RBFOX3: variants seen among roughly 807,000 people sequenced by gnomAD.
The protein encoded by RBFOX3 is RNA binding fox-1 homolog 3.
RBFOX3 carries 17 observed loss-of-function variants against 48.7 expected under a neutral mutation model. The ratio of observed to expected loss-of-function variants is 0.35; its 90% CI spans 0.24 to 0.52. The LOEUF (loss-of-function observed/expected upper bound fraction) is 0.52, where lower values mean the gene tolerates loss of function less well. Ranked by LOEUF, RBFOX3 falls within the 20% of genes least tolerant of loss-of-function variation. The pLI is 0.94. For synonymous variants in RBFOX3, 212 were observed against 209.5 expected, an observed-to-expected ratio of 1.01 and a Z score of -0.10; for missense variants, 382 against 497.5, an observed-to-expected ratio of 0.77 and a Z score of 2.21.
Position 79,220,105 on chromosome 17 carries a change from G to A in RBFOX3, c.-34+15661C>T, listed in dbSNP as rs1297147006. The stretch of plus-strand genomic sequence containing the variant: ...CGGGGTGGGGGGGTGGGGGGAGCAC[G>A]CTGAGCTTCCCAACATTTCAGCCCC... On this transcript the variant is annotated intron_variant, in intron 4 of 14. Transcript: ENST00000693108. This position sits in a 1 kb window ranked among gnomAD's most constrained non-coding sequence, Gnocchi z 5.9. Among the ~76,000 whole-genome samples the A allele has an allele frequency of 1.3e-5, 2 of 152,130 alleles. No individual in the cohort carries two copies. Among genetic ancestry groups the A allele is most frequent in the African/African-American group, 2.4e-5 (1 of 41,440 alleles).
intron 2 of RBFOX3, among the ~76,000 whole-genome samples, chr17:79,419,805 C>T (rs2065944964): frequency 1.3e-5 from 2 of 152,192 alleles, no homozygotes; most frequent in South Asian, 4.1e-4. Flanking sequence ...GGCATCCTCT[C>T]CAAGAGCAGA....
At chr17:79,217,827 A>T (rs1022075488) in intron 4 of RBFOX3, among the ~76,000 whole-genome samples, 1 of 152,112 alleles carries the variant, frequency 6.6e-6, no homozygotes, top group Non-Finnish European at 1.5e-5. Flanking sequence ...AACACGGCAG[A>T]TGTTCAGATT....
At chr17:79,312,065 C>T (rs2076928106) in intron 2 of RBFOX3, among the ~76,000 whole-genome samples, 1 of 152,122 alleles carries the variant, frequency 6.6e-6, no homozygotes, top group South Asian at 2.1e-4. Context: ...TCAATAACTG[C>T]AAAGCAAAAT....
chr17:79,476,756 G>C lies in RBFOX3; in HGVS notation c.-175+5698C>G, dbSNP rs2077826239. 2.0e-5 allele frequency among the ~76,000 whole-genome samples: 3 copies of C among 152,180 alleles called. No individual in the cohort carries two copies. The South Asian group carries it at 6.2e-4, about 32-fold the overall frequency. ...CAGAGGCAGGGTGGCAGAATTAGGG[G>C]GTCTGGAAAAGAAAGTGCAGAAAAG... is the stretch of plus-strand genomic sequence containing the variant. On this transcript the variant is annotated intron_variant, in intron 2 of 14. Transcript: ENST00000693108.
chr17:79,565,445 T>C (rs944215240), intron 1 of RBFOX3, among the ~76,000 whole-genome samples: 5,082 of 151,762 alleles, frequency 0.033, 148 homozygotes, highest in East Asian at 0.16. Flanking sequence ...GTTCAAGCGA[T>C]TCTCCTGCCT....
At chr17:79,656,536 C>T in the RBFOX3 span, among the ~76,000 whole-genome samples, 5 of 151,592 alleles carry the variant, frequency 3.3e-5, no homozygotes, top group Admixed American at 1.3e-4. Flanking sequence ...ATCGGTTGAA[C>T]GTGGGAGGCG....
chr17:79,514,074 AC>A lies in RBFOX3; in HGVS notation c.-319-31477del, dbSNP rs1326111508. 3.9e-5 allele frequency among the ~76,000 whole-genome samples: 6 copies of A among 152,002 alleles called. No homozygotes were observed. The East Asian group carries it at 1.2e-3, about 29-fold the overall frequency. On this transcript the variant is annotated intron_variant, in intron 1 of 14. Coordinates refer to ENST00000693108, the MANE Select transcript of RBFOX3 (RefSeq NM_001350451.2). Reference sequence around the variant, plus strand: ...CAATCGGTGTACTTTCCTGGTATTTACCCCTCTGGAGTTGCTGGGTGGGGAC... The same window carrying A: ...CAATCGGTGTACTTTCCTGGTATTTACCCTCTGGAGTTGCTGGGTGGGGAC...
intron 4 of RBFOX3, among the ~76,000 whole-genome samples, chr17:79,163,693 G>T (rs7223575): frequency 0.13 from 19,471 of 146,156 alleles, 1,857 homozygotes; most frequent in African/African-American, 0.27. Flanking sequence ...CCCCCCACCC[G>T]CCCGCACCCC....
chr17:79,149,333 C>CA (rs1440727038), intron 4 of RBFOX3, among the ~76,000 whole-genome samples: 1 of 152,068 alleles, frequency 6.6e-6, no homozygotes, highest in East Asian at 1.9e-4. Flanking sequence ...CAGATGCAGG[C>CA]AGTGGGGGGA....
At chr17:79,291,860 GAAAC>G (rs1344726803) in intron 3 of RBFOX3, among the ~76,000 whole-genome samples, 1 of 152,188 alleles carries the variant, frequency 6.6e-6, no homozygotes, top group African/African-American at 2.4e-5. Flanking sequence ...TTGGCTATGA[GAAAC>G]TAGGGCGCCA....
In RBFOX3 at chr17:79,195,202, C is replaced by T. The variant is rs2055343391; in HGVS notation, c.-34+40564G>A. Among the ~76,000 whole-genome samples, 1 of 152,080 alleles carries T rather than the reference C, an allele frequency of 6.6e-6. No individual in the cohort carries two copies. The highest frequency in any genetic ancestry group is 1.5e-5 in the Non-Finnish European group (1 of 68,020). ...CCTGAGGTCAGGAGTTCGAGACCAG[C>T]CTGGTCAACATGGTGAAACCCTGTT... is the stretch of plus-strand genomic sequence containing the variant. On this transcript the variant is annotated intron_variant, in intron 4 of 14. Transcript: ENST00000693108. The surrounding 1 kb of genome is among the most constrained non-coding windows in gnomAD (Gnocchi z 5.3).
At chr17:79,620,487 GCACACACGCGCA>G in the RBFOX3 span, among the ~76,000 whole-genome samples, 537 of 126,570 alleles carry the variant, frequency 4.2e-3, 1 homozygote, top group African/African-American at 0.018. Context: ...ACACGCACGT[GCACACACGCGCA>G]CACACATGCG....
chr17:79,465,905 G>A (rs572601602), intron 2 of RBFOX3, among the ~76,000 whole-genome samples: 25 of 152,274 alleles, frequency 1.6e-4, no homozygotes, highest in African/African-American at 5.5e-4. Context: ...CCACTCCTCC[G>A]GCTCCATCTG....
chr17:79,462,257 G>T (rs1235025921), intron 2 of RBFOX3, among the ~76,000 whole-genome samples: 1 of 152,220 alleles, frequency 6.6e-6, no homozygotes, highest in Middle Eastern at 3.2e-3. Context: ...ACGATAAGAT[G>T]CACAGGCTGC....
Position 79,362,287 on chromosome 17 carries a change from G to A in RBFOX3, c.-174-54463C>T, listed in dbSNP as rs1027287646. Among the ~76,000 whole-genome samples the A allele has an allele frequency of 2.6e-5, 4 of 152,220 alleles. No individual in the cohort carries two copies. Among genetic ancestry groups the A allele is most frequent in the South Asian group, 2.1e-4 (1 of 4,826 alleles). On this transcript the variant is annotated intron_variant, in intron 2 of 14. Transcript: ENST00000693108. The surrounding 1 kb of genome is among the most constrained non-coding windows in gnomAD (Gnocchi z 4.2). Reference sequence around the variant, plus strand: ...TGGGAAAATGCATCTGTCTCCCTGCGTTTCTCTGAAGCCAGAATCCCGGCC... The same window carrying A: ...TGGGAAAATGCATCTGTCTCCCTGCATTTCTCTGAAGCCAGAATCCCGGCC...
intron 1 of RBFOX3, among the ~76,000 whole-genome samples, chr17:79,513,352 A>C (rs2084777919): frequency 6.6e-6 from 1 of 152,180 alleles, no homozygotes; most frequent in African/African-American, 2.4e-5. Flanking sequence ...GCATGGCCCC[A>C]CGGCCAGGTG....
intron 4 of RBFOX3, among the ~76,000 whole-genome samples, chr17:79,223,383 C>T (rs1448050180): frequency 6.6e-6 from 1 of 152,200 alleles, no homozygotes; most frequent in East Asian, 1.9e-4. Context: ...CCCTCACAAA[C>T]AGCTGCGTAT....
chr17:79,116,872 C>T (rs769961507), intron 4 of RBFOX3, among the ~76,000 whole-genome samples: 8 of 152,256 alleles, frequency 5.3e-5, no homozygotes, highest in Non-Finnish European at 1.2e-4. Flanking sequence ...GTGGCCTGGG[C>T]CCACAGCATC....
At chr17:79,413,755 G>A (rs1210400370) in intron 2 of RBFOX3, among the ~76,000 whole-genome samples, 3 of 152,192 alleles carry the variant, frequency 2.0e-5, no homozygotes, top group African/African-American at 4.8e-5. Context: ...GGAAGAGCTC[G>A]CACCTGGGCA....
Sources: gnomAD v4.1 joint callset for allele counts (sites outside exome capture counted in the v4.1 genomes callset) on GRCh38, gnomAD v4.1.1 for gene constraint, Gnocchi (gnomAD v3.1) non-coding constraint, MANE v1.5 for transcripts, NCBI Gene and HGNC (gene_info 2026-07-23, HGNC 2026-07-21) for gene names.